DLGAP2: variants seen among roughly 807,000 people sequenced by gnomAD.
DLGAP2 encodes the protein disks large-associated protein 2.
Under a neutral mutation model 100.3 loss-of-function variants are expected in DLGAP2, and 26 were observed. The observed-to-expected ratio is 0.26, with a 90% confidence interval of 0.19 to 0.36. DLGAP2 has a LOEUF of 0.36. Ranked by LOEUF, DLGAP2 falls within the 10% of genes least tolerant of loss-of-function variation. DLGAP2 has a pLI of 1.00. For synonymous variants in DLGAP2, 886 were observed against 630.1 expected, an observed-to-expected ratio of 1.41 and a Z score of -6.08; for missense variants, 1,858 against 1,453.2, an observed-to-expected ratio of 1.28 and a Z score of -4.53.
At chr8:1,306,117 T>C (rs1378435168) in intron 3 of DLGAP2, among the ~76,000 whole-genome samples, 1 of 114,170 alleles carries the variant, frequency 8.8e-6, no homozygotes, top group African/African-American at 3.0e-5. Flanking sequence ...AAATAGAAAA[T>C]CATCCAAATT....
At chr8:1,304,984 A>G (rs1262247359) in intron 3 of DLGAP2, among the ~76,000 whole-genome samples, 1 of 152,192 alleles carries the variant, frequency 6.6e-6, no homozygotes, top group Non-Finnish European at 1.5e-5. Context: ...TTGGACAAAT[A>G]CTGCTAAGAA....
chr8:946,698 G>A (rs753079713), intron 2 of DLGAP2, among the ~76,000 whole-genome samples: 4 of 152,138 alleles, frequency 2.6e-5, no homozygotes, highest in Non-Finnish European at 4.4e-5. Context: ...GGCTGCCACC[G>A]CAAAGCCCAT....
At chr8:1,381,908 A>G (rs1796106182) in intron 3 of DLGAP2, among the ~76,000 whole-genome samples, 2 of 152,202 alleles carry the variant, frequency 1.3e-5, no homozygotes, top group Non-Finnish European at 2.9e-5. Context: ...TATAAAATGT[A>G]CGTTTCTTGT....
Position 1,704,035 on chromosome 8 carries a change from T to G in DLGAP2, c.*2629T>G, listed in dbSNP as rs561466013. 1 of 152,726 alleles carries G rather than the reference T, an allele frequency of 6.5e-6. No homozygotes were observed. Among genetic ancestry groups the G allele is most frequent in the South Asian group, 2.1e-4 (1 of 4,826 alleles). 9.5% of individuals were successfully genotyped at this position (152,726 alleles called of 1,614,324 possible). A position where few individuals can be genotyped will look rare whatever the true frequency, so the allele number is the denominator to read the frequency against. Reference sequence around the variant, plus strand: ...TACTCAGTTCTCATGCAGGTGACATTCTACCATGAAACGCAGAAGATAAGC... The same window carrying G: ...TACTCAGTTCTCATGCAGGTGACATGCTACCATGAAACGCAGAAGATAAGC... On this transcript the variant is annotated 3_prime_UTR_variant, in exon 15 of 15. Coordinates refer to ENST00000637795, the MANE Select transcript of DLGAP2 (RefSeq NM_001346810.2).
At chr8:1,605,727 C>A (rs866926864) in intron 6 of DLGAP2, among the ~76,000 whole-genome samples, 26 of 152,326 alleles carry the variant, frequency 1.7e-4, no homozygotes, top group Middle Eastern at 6.8e-3. Flanking sequence ...CCCACAGCGT[C>A]CATGATGGGG....
chr8:1,368,651 G>A (rs187407373), intron 3 of DLGAP2: 54 of 152,258 alleles, frequency 3.5e-4, no homozygotes, highest in East Asian at 2.7e-3. Flanking sequence ...CTTTTTGTGC[G>A]TCTGGTGCCG....
At position 751,001 on chromosome 8, in the gene DLGAP2, G is replaced by A. The variant is rs537673051; in HGVS notation, c.18+13176G>A. Among the ~76,000 whole-genome samples, 112 of 152,356 alleles carry A rather than the reference G, an allele frequency of 7.4e-4. 1 individual carries two copies. Among genetic ancestry groups the A allele is most frequent in the African/African-American group, 2.6e-3 (108 of 41,580 alleles). On this transcript the variant is annotated intron_variant, in intron 1 of 14. Coordinates refer to ENST00000637795, the MANE Select transcript of DLGAP2 (RefSeq NM_001346810.2). ...CTTCTTTTTCCATCAGCAAACAGGT[G>A]TCGGTAGGCACGCTGATCTCCGGCC...
chr8:1,042,697 G>T (rs76752347), intron 2 of DLGAP2, among the ~76,000 whole-genome samples: 7,855 of 145,702 alleles, frequency 0.054, 405 homozygotes, highest in African/African-American at 0.11. Context: ...TGTGGGTGTT[G>T]GATGTCGGTG....
chr8:1,480,247 G>A lies in DLGAP2; in HGVS notation c.107-21119G>A, dbSNP rs76490743. Among the ~76,000 whole-genome samples the A allele has an allele frequency of 1.4e-3, 212 of 152,238 alleles. No individual in the cohort carries two copies. The East Asian group carries it at 0.027, about 20-fold the overall frequency. On this transcript the variant is annotated intron_variant, in intron 3 of 14. Coordinates refer to ENST00000637795, the MANE Select transcript of DLGAP2 (RefSeq NM_001346810.2). ...TGTAGGTTTTCAGTCTCCAAAAGCC[G>A]GGTCTTGTTTTTATGTCTCTTTGGA... is the stretch of plus-strand genomic sequence containing the variant.
chr8:1,214,632 C>G (rs75892680), intron 2 of DLGAP2, among the ~76,000 whole-genome samples: 3,856 of 152,288 alleles, frequency 0.025, 159 homozygotes, highest in African/African-American at 0.079. Context: ...TGCTTCTTCC[C>G]TATTGTCTGT....
chr8:1,094,432 C>T (rs926662065), intron 2 of DLGAP2, among the ~76,000 whole-genome samples: 7 of 152,166 alleles, frequency 4.6e-5, no homozygotes, highest in South Asian at 2.1e-4. Context: ...CCTGTCAGTA[C>T]AGAGAATGAA....
chr8:1,391,200 G>A (rs1318497796), intron 3 of DLGAP2, among the ~76,000 whole-genome samples: 5 of 152,226 alleles, frequency 3.3e-5, no homozygotes, highest in Admixed American at 2.0e-4. Context: ...AAGTTCCCAT[G>A]GGGACATTGT....
At chr8:1,275,556 C>T (rs570576308) in intron 3 of DLGAP2, among the ~76,000 whole-genome samples, 2 of 151,094 alleles carry the variant, frequency 1.3e-5, no homozygotes, top group African/African-American at 4.9e-5. Flanking sequence ...AACTGAATTT[C>T]TTTTCATTCC....
chr8:893,376 G>A (rs1442008579), intron 1 of DLGAP2, among the ~76,000 whole-genome samples: 1 of 152,240 alleles, frequency 6.6e-6, no homozygotes, highest in Non-Finnish European at 1.5e-5. Flanking sequence ...CCAATTCGAT[G>A]AGGCTGCCCT....
intron 3 of DLGAP2, among the ~76,000 whole-genome samples, chr8:1,422,556 G>C (rs1563137345): frequency 1.6e-5 from 2 of 128,204 alleles, no homozygotes; most frequent in East Asian, 4.3e-4. Flanking sequence ...GGCTTTCTTT[G>C]ACATTAAAAA....
intron 2 of DLGAP2, among the ~76,000 whole-genome samples, chr8:952,042 C>T (rs1405646791): frequency 6.6e-6 from 1 of 152,220 alleles, no homozygotes; most frequent in Non-Finnish European, 1.5e-5. Context: ...AGTGGGTTCT[C>T]CTCCAGTGGC....
At chr8:942,811 G>A (rs1054239438) in intron 2 of DLGAP2, among the ~76,000 whole-genome samples, 2 of 152,222 alleles carry the variant, frequency 1.3e-5, no homozygotes, top group Non-Finnish European at 2.9e-5. Context: ...ATTCATTACA[G>A]TGAAAAGACA....
chr8:1,343,658 A>C (rs923488847), intron 3 of DLGAP2, among the ~76,000 whole-genome samples: 3 of 151,854 alleles, frequency 2.0e-5, no homozygotes, highest in Non-Finnish European at 4.4e-5. Context: ...TGATAAAAAC[A>C]GGGAAATGGT....
At chr8:1,212,774 C>T (rs896711373) in intron 2 of DLGAP2, among the ~76,000 whole-genome samples, 3 of 110,016 alleles carry the variant, frequency 2.7e-5, no homozygotes, top group South Asian at 3.7e-4. Flanking sequence ...CCCCCGCCCA[C>T]CCCCCATGAT....
Sources: allele counts gnomAD v4.1 joint callset (sites outside exome capture counted in the v4.1 genomes callset), GRCh38; gene constraint gnomAD v4.1.1; transcripts MANE v1.5; gene names NCBI Gene and HGNC (gene_info 2026-07-23, HGNC 2026-07-21).